Variants in IGF2BP2 observed in about 807,000 individuals in gnomAD.
IGF2BP2 encodes insulin-like growth factor 2 mRNA-binding protein 2.
IGF2BP2 carries 17 observed loss-of-function variants against 75.8 expected under a neutral mutation model. The ratio of observed to expected loss-of-function variants is 0.22; its 90% CI spans 0.15 to 0.34. The LOEUF (loss-of-function observed/expected upper bound fraction) is 0.34. Among genes scored for constraint, IGF2BP2 ranks in the 10% least tolerant of loss-of-function variants. The pLI, the probability that IGF2BP2 is intolerant of heterozygous loss-of-function variation, is 1.00. For missense variants in IGF2BP2, 516 were observed against 772.4 expected (o/e 0.67, Z 3.93); for synonymous variants, 288 against 295.6 (o/e 0.97, Z 0.26).
At chr3:185,742,471 G>A (rs1729692539) in intron 2 of IGF2BP2, among the ~76,000 whole-genome samples, 1 of 152,074 alleles carries the variant, frequency 6.6e-6, no homozygotes, top group East Asian at 1.9e-4. Context: ...ACTCCAGCCT[G>A]GGCAACAGAG....
At chr3:185,651,174 G>A (rs745337816) in intron 13 of IGF2BP2, among the ~76,000 whole-genome samples, 3 of 151,850 alleles carry the variant, frequency 2.0e-5, no homozygotes, top group Non-Finnish European at 4.4e-5. Flanking sequence ...GCCTCCTAAA[G>A]TGTTGGGATT....
intron 2 of IGF2BP2, among the ~76,000 whole-genome samples, chr3:185,809,348 A>G (rs1436769829): frequency 6.6e-6 from 1 of 152,236 alleles, no homozygotes; most frequent in African/African-American, 2.4e-5. Context: ...TTTGCTTTCC[A>G]ATGTTCATTT....
intron 2 of IGF2BP2, among the ~76,000 whole-genome samples, chr3:185,760,984 A>T (rs1300067929): frequency 6.6e-6 from 1 of 151,606 alleles, no homozygotes; most frequent in Admixed American, 6.6e-5. Context: ...TATACTTCAA[A>T]TATTTTGTAC....
At chr3:185,705,469 A>T (rs1235367210) in intron 2 of IGF2BP2, among the ~76,000 whole-genome samples, 1 of 152,164 alleles carries the variant, frequency 6.6e-6, no homozygotes, top group Admixed American at 6.6e-5. Flanking sequence ...ACTCATGTTC[A>T]CAAAACCATA....
At chr3:185,661,147 T>C (rs1716369280) in intron 10 of IGF2BP2, among the ~76,000 whole-genome samples, 1 of 152,220 alleles carries the variant, frequency 6.6e-6, no homozygotes. Context: ...CAGGAGCTTG[T>C]TTCTAGCGGA....
intron 13 of IGF2BP2, among the ~76,000 whole-genome samples, chr3:185,651,154 T>C (rs1422273194): frequency 6.6e-6 from 1 of 152,136 alleles, no homozygotes; most frequent in East Asian, 1.9e-4. Flanking sequence ...CAAGCAGCCT[T>C]CCTGCCTTGG....
intron 2 of IGF2BP2, among the ~76,000 whole-genome samples, chr3:185,799,861 A>G: frequency 6.6e-6 from 1 of 152,228 alleles, no homozygotes; most frequent in Non-Finnish European, 1.5e-5. Context: ...ATTGTGGAAG[A>G]CAGTGTAGCA....
At chr3:185,807,119 T>C (rs764509965) in intron 2 of IGF2BP2, among the ~76,000 whole-genome samples, 45 of 152,280 alleles carry the variant, frequency 3.0e-4, no homozygotes, top group Non-Finnish European at 5.9e-4. Flanking sequence ...AACAACTTTA[T>C]TGATACTAGA....
chr3:185,751,511 CT>C (rs1273455651), intron 2 of IGF2BP2, among the ~76,000 whole-genome samples: 1 of 144,318 alleles, frequency 6.9e-6, no homozygotes, highest in African/African-American at 2.6e-5. Context: ...AATTCTCCTG[CT>C]GAGGCAGGAG....
chr3:185,784,711 T>C (rs1394853077), intron 2 of IGF2BP2, among the ~76,000 whole-genome samples: 1 of 152,140 alleles, frequency 6.6e-6, no homozygotes, highest in Non-Finnish European at 1.5e-5. Context: ...CAGAGATGGG[T>C]CTGTGAGAGG....
At chr3:185,650,915 C>T (rs1714493172) in intron 13 of IGF2BP2, among the ~76,000 whole-genome samples, 1 of 152,056 alleles carries the variant, frequency 6.6e-6, no homozygotes, top group African/African-American at 2.4e-5. Context: ...TCACACGTGG[C>T]CTTTATTTAT....
intron 7 of IGF2BP2, among the ~76,000 whole-genome samples, chr3:185,682,516 AG>A (rs1720535124): frequency 1.3e-5 from 2 of 152,306 alleles, no homozygotes; most frequent in African/African-American, 4.8e-5. Context: ...ATTCTGTTAC[AG>A]TAGCACCAAC....
intron 2 of IGF2BP2, among the ~76,000 whole-genome samples, chr3:185,733,756 C>T (rs1019472958): frequency 6.6e-6 from 1 of 150,758 alleles, no homozygotes; most frequent in Non-Finnish European, 1.5e-5. Flanking sequence ...AACTCCGCCT[C>T]AATAATAATA....
intron 2 of IGF2BP2, among the ~76,000 whole-genome samples, chr3:185,748,959 T>C (rs1391137301): frequency 6.6e-6 from 1 of 151,458 alleles, no homozygotes; most frequent in African/African-American, 2.4e-5. Flanking sequence ...AGGTCAGGAG[T>C]TCAAGACCAG....
At chr3:185,807,973 G>A (rs901357442) in intron 2 of IGF2BP2, among the ~76,000 whole-genome samples, 1 of 152,152 alleles carries the variant, frequency 6.6e-6, no homozygotes, top group African/African-American at 2.4e-5. Flanking sequence ...AAACATGTGA[G>A]ATAATAAATG....
At position 185,774,378 on chromosome 3, in the gene IGF2BP2, G is replaced by GA. The variant is rs537679232; in HGVS notation, c.239+48774dup. ...TGGGAGGCCGAGGTGGGCGGATCAC[G>GA]AGGTCAGGAGATAGAGACCATCTTG... On this transcript the variant is annotated intron_variant, in intron 2 of 15. Transcript: ENST00000382199. Among the ~76,000 whole-genome samples, 657 of 151,270 alleles carry GA rather than the reference G, an allele frequency of 4.3e-3. 6 individuals are homozygous for GA. Among genetic ancestry groups the GA allele is most frequent in the African/African-American group, 0.015 (635 of 41,232 alleles).
At chr3:185,818,451 AG>A (rs1321874840) in intron 2 of IGF2BP2, among the ~76,000 whole-genome samples, 2 of 152,184 alleles carry the variant, frequency 1.3e-5, no homozygotes, top group Non-Finnish European at 2.9e-5. Context: ...CCTTTGCCAC[AG>A]GTTTCAATCA....
At chr3:185,672,094 C>T (rs201343669) in intron 10 of IGF2BP2, among the ~76,000 whole-genome samples, 39 of 152,096 alleles carry the variant, frequency 2.6e-4, no homozygotes, top group African/African-American at 9.2e-4. Context: ...TTAAAAATTG[C>T]CTATTAATAA....
At chr3:185,716,817 C>G (rs145450285) in intron 2 of IGF2BP2, 126 of 517,566 alleles carry the variant, frequency 2.4e-4, no homozygotes, top group Non-Finnish European at 4.6e-4. Context: ...ACTGAGGGGC[C>G]AAAGAGAGGC....
Sources: allele counts gnomAD v4.1 joint callset (sites outside exome capture counted in the v4.1 genomes callset), GRCh38; gene constraint gnomAD v4.1.1; transcripts MANE v1.5; gene names NCBI Gene and HGNC (gene_info 2026-07-23, HGNC 2026-07-21).